ERP44: variants seen among roughly 807,000 people sequenced by gnomAD.
ERP44 encodes endoplasmic reticulum resident protein 44.
In ERP44, 25 loss-of-function variants were observed where a neutral mutation model predicts 53.4. That is an observed-to-expected ratio of 0.47 (90% CI 0.34 to 0.65). The LOEUF (loss-of-function observed/expected upper bound fraction) is 0.65, where lower values mean the gene tolerates loss of function less well. ERP44 is among the 30% of genes least tolerant of loss of function. The pLI is 0.01. For synonymous variants in ERP44, 145 were observed against 161.2 expected (o/e 0.90, Z 0.76); for missense variants, 338 against 493.2 (o/e 0.69, Z 2.98).
chr9:100,034,992 A>T (rs1825836628), intron 4 of ERP44, among the ~76,000 whole-genome samples: 1 of 152,220 alleles, frequency 6.6e-6, no homozygotes, highest in African/African-American at 2.4e-5. Flanking sequence ...TCTATTCAAT[A>T]AATGGTATTG....
chr9:100,088,150 T>A (rs1267705558), intron 1 of ERP44, among the ~76,000 whole-genome samples: 1 of 152,126 alleles, frequency 6.6e-6, no homozygotes, highest in African/African-American at 2.4e-5. Context: ...CCCTACTGAG[T>A]CAGATCAGCA....
intron 4 of ERP44, among the ~76,000 whole-genome samples, chr9:100,044,095 G>A (rs74329270): frequency 0.065 from 9,951 of 152,030 alleles, 1,004 homozygotes; most frequent in African/African-American, 0.22. Flanking sequence ...TTTGCCTTAC[G>A]ATCAATGATG....
intron 1 of ERP44, among the ~76,000 whole-genome samples, chr9:100,067,197 G>A (rs918763198): frequency 6.6e-5 from 10 of 151,620 alleles, no homozygotes; most frequent in Middle Eastern, 3.2e-3. Flanking sequence ...CTCTCCCCAC[G>A]GTCTCCCTCT....
chr9:100,078,209 G>A (rs1005407725), intron 1 of ERP44, among the ~76,000 whole-genome samples: 1 of 152,180 alleles, frequency 6.6e-6, no homozygotes, highest in Non-Finnish European at 1.5e-5. Flanking sequence ...TGTAATTCCA[G>A]TACTTTGGGA....
chr9:100,048,633 T>C (rs80148894), intron 4 of ERP44, among the ~76,000 whole-genome samples: 1 of 152,352 alleles, frequency 6.6e-6, no homozygotes, highest in East Asian at 1.9e-4. Context: ...GTGTTCTTGA[T>C]GGATGATAAA....
At chr9:100,025,627 G>A (rs1830643099) in intron 4 of ERP44, among the ~76,000 whole-genome samples, 1 of 151,982 alleles carries the variant, frequency 6.6e-6, no homozygotes, top group South Asian at 2.1e-4. Context: ...TGAAAAAAAG[G>A]ATATTTAAAT....
intron 7 of ERP44, among the ~76,000 whole-genome samples, 179 bp from the exon 8 acceptor site, chr9:100,016,617 T>G (rs1014312789): frequency 6.6e-6 from 1 of 152,166 alleles, no homozygotes; most frequent in Non-Finnish European, 1.5e-5. Context: ...TTCTCTTACC[T>G]CAGCCTCCAG....
In ERP44 at chr9:100,058,641, GTTT is replaced by G. The variant is rs1157578199; in HGVS notation, c.131-785_131-783del. Among the ~76,000 whole-genome samples, 8 of 152,312 alleles carry G rather than the reference GTTT, an allele frequency of 5.3e-5. No homozygotes were observed. The East Asian group carries it at 1.5e-3, about 29-fold the overall frequency. On this transcript the variant is annotated intron_variant, in intron 2 of 11. Coordinates refer to ENST00000262455, the MANE Select transcript of ERP44 (RefSeq NM_015051.3). ...ACTAATAGTGTTGCACAAGACGCCA[GTTT>G]TTTAATTCCTATCCATTTAAGTTAT...
chr9:100,094,316 T>TAA (rs550473930), intron 1 of ERP44, among the ~76,000 whole-genome samples: 5 of 143,198 alleles, frequency 3.5e-5, no homozygotes, highest in Admixed American at 7.0e-5. Context: ...CTTGTACCTT[T>TAA]AAAAAAAAAA....
chr9:100,055,617 C>T (rs966160729), intron 3 of ERP44, among the ~76,000 whole-genome samples: 1 of 152,160 alleles, frequency 6.6e-6, no homozygotes, highest in Non-Finnish European at 1.5e-5. Flanking sequence ...GTGACCTGCC[C>T]GCCTCGGCCT....
chr9:99,989,069 AG>A (rs1830226271), intron 10 of ERP44, among the ~76,000 whole-genome samples: 1 of 152,232 alleles, frequency 6.6e-6, no homozygotes. Context: ...CAGCTCAACA[AG>A]GCCTGCTGGC....
intron 10 of ERP44, chr9:99,998,899 C>A: frequency 6.3e-7 from 1 of 1,594,020 alleles, no homozygotes; most frequent in African/African-American, 1.3e-5. Context: ...CCATCTCCCC[C>A]AGCAGTCTCA....
At chr9:100,098,067 G>A (rs111743521) in intron 1 of ERP44, among the ~76,000 whole-genome samples, 41 of 152,330 alleles carry the variant, frequency 2.7e-4, no homozygotes, top group African/African-American at 9.4e-4. Context: ...TGGGGCAAGA[G>A]GGACTAGGGA....
chr9:100,035,502 G>A (rs980414174), intron 4 of ERP44, among the ~76,000 whole-genome samples: 1 of 151,676 alleles, frequency 6.6e-6, no homozygotes. Context: ...ATGGTGAAAC[G>A]CCATCTCTAC....
chr9:100,023,864 T>C (rs1464055489), intron 4 of ERP44, among the ~76,000 whole-genome samples: 2 of 152,174 alleles, frequency 1.3e-5, no homozygotes, highest in South Asian at 4.2e-4. Context: ...TTTTAAAAGT[T>C]ACTATTTTGG....
At chr9:100,029,195 C>T (rs543850277) in intron 4 of ERP44, among the ~76,000 whole-genome samples, 4 of 151,606 alleles carry the variant, frequency 2.6e-5, no homozygotes, top group Admixed American at 6.6e-5. Flanking sequence ...GGGATTTTAT[C>T]AAACTAAAAA....
intron 1 of ERP44, among the ~76,000 whole-genome samples, chr9:100,091,925 C>T (rs1229487801): frequency 1.3e-5 from 2 of 152,172 alleles, no homozygotes; most frequent in Non-Finnish European, 2.9e-5. Context: ...TCTACAAACA[C>T]CTTTGGCATC....
At chr9:100,054,748 G>A (rs1187741392) in intron 3 of ERP44, among the ~76,000 whole-genome samples, 1 of 151,962 alleles carries the variant, frequency 6.6e-6, no homozygotes, top group Non-Finnish European at 1.5e-5. Flanking sequence ...TTCAGATAAG[G>A]GATACTCAAC....
chr9:100,059,708 TA>T (rs1206294740), intron 2 of ERP44, among the ~76,000 whole-genome samples: 1 of 149,942 alleles, frequency 6.7e-6, no homozygotes, highest in Non-Finnish European at 1.5e-5. Flanking sequence ...AAATAAAAAA[TA>T]AAAAAAGTAC....
Sources: allele counts gnomAD v4.1 joint callset (sites outside exome capture counted in the v4.1 genomes callset), GRCh38; gene constraint gnomAD v4.1.1; transcripts MANE v1.5; gene names NCBI Gene and HGNC (gene_info 2026-07-23, HGNC 2026-07-21).